The following N4BP1 variants were observed in gnomAD, a reference collection of about 807,000 sequenced individuals.
N4BP1 encodes NEDD4 binding protein 1.
In N4BP1, 21 loss-of-function variants were observed where a neutral mutation model predicts 70.9. The ratio of observed to expected loss-of-function variants is 0.30; its 90% CI spans 0.21 to 0.43. The LOEUF (loss-of-function observed/expected upper bound fraction) is 0.43. Ranked by LOEUF, N4BP1 falls within the 20% of genes least tolerant of loss-of-function variation. The probability of loss-of-function intolerance (pLI) is 1.00; values close to 1 mark genes in which losing one functional copy is unlikely to be tolerated. For missense variants in N4BP1, 936 were observed against 1,069.4 expected, an observed-to-expected ratio of 0.88 and a Z score of 1.74; for synonymous variants, 387 against 394.6, an observed-to-expected ratio of 0.98 and a Z score of 0.23.
chr16:48,562,430 T>A lies in N4BP1; in HGVS notation c.213A>T (p.Gly71=). The A allele has an allele frequency of 6.2e-7, 1 of 1,606,500 alleles. No individual in the cohort carries two copies. Among genetic ancestry groups the A allele is most frequent in the Non-Finnish European group, 8.5e-7 (1 of 1,177,622 alleles). The part of the protein sequence containing the change: ...AVHSAKEYIK[G]ICEPELEERE... Reference sequence around the variant, plus strand: ...TTTCTTCTAGTTCAGGTTCACAGATTCCTTTAATATATTCCTGTAAAGAGA... The same window carrying A: ...TTTCTTCTAGTTCAGGTTCACAGATACCTTTAATATATTCCTGTAAAGAGA... Residue 71 remains glycine (G), a synonymous_variant, in exon 2 of 7, where the codon GGA becomes GGT. Coordinates refer to ENST00000262384, the MANE Select transcript of N4BP1 (RefSeq NM_153029.4).
chr16:48,560,854 G>A lies in N4BP1; in HGVS notation c.1789C>T (p.Arg597Ter). The part of the protein sequence containing the change: ...DSSVTGVQRF[R>*]DTLKIPYKLE... ...TTGTAGGGTATTTTTAGAGTATCTCGAAACCTTTGAACCCCAGTAACTGAG... is the reference window on the plus strand; with the variant it reads ...TTGTAGGGTATTTTTAGAGTATCTCAAAACCTTTGAACCCCAGTAACTGAG... The change falls in exon 2 of 7, where the codon CGA (arginine) becomes TGA (stop). Residue 597 changes from arginine to a stop codon, truncating the protein, a stop_gained. Coordinates refer to ENST00000262384, the MANE Select transcript of N4BP1 (RefSeq NM_153029.4). LOFTEE classifies it high-confidence loss of function. 1 of 1,613,844 alleles carries A rather than the reference G, an allele frequency of 6.2e-7. No individual in the cohort carries two copies. The highest frequency in any genetic ancestry group is 8.5e-7 in the Non-Finnish European group (1 of 1,179,844).
At position 48,540,009 on chromosome 16, in the gene N4BP1, A is replaced by C. The variant is rs575263705; in HGVS notation, c.*2895T>G. 4 of 152,490 alleles carry C rather than the reference A, an allele frequency of 2.6e-5. No individual in the cohort carries two copies. The South Asian group carries it at 6.2e-4, about 24-fold the overall frequency. The allele number at this position is 152,490 out of a possible 1,614,324, so 9.4% of individuals were successfully genotyped here. A position where few individuals can be genotyped will look rare whatever the true frequency, so the allele number is the denominator to read the frequency against. ...TGGAGAGTGGGAGGTGAGGGGAAGC[A>C]CTAGCAATGAATGAAGAGGATTCTT... On this transcript the variant is annotated 3_prime_UTR_variant, in exon 7 of 7. Coordinates refer to ENST00000262384, the MANE Select transcript of N4BP1 (RefSeq NM_153029.4).
At chr16:48,578,905 T>C (rs1964137254) in intron 1 of N4BP1, among the ~76,000 whole-genome samples, 2 of 152,258 alleles carry the variant, frequency 1.3e-5, no homozygotes. Flanking sequence ...ACAGCTCTAT[T>C]AGATTGTAAA....
chr16:48,609,831 G>A lies in N4BP1; in HGVS notation c.142C>T (p.Pro48Ser). The A allele has an allele frequency of 2.0e-6, 3 of 1,487,546 alleles. 1 individual carries two copies. Among genetic ancestry groups the A allele is most frequent in the African/African-American group, 2.9e-5 (2 of 68,812 alleles). 92.1% of individuals were successfully genotyped at this position (1,487,546 alleles called of 1,614,324 possible). A position where few individuals can be genotyped will look rare whatever the true frequency, so the allele number is the denominator to read the frequency against. Residue 48 changes from proline to serine, a missense_variant, in exon 1 of 7, where the codon CCC (proline) becomes TCC (serine). By Grantham distance (74) the Pro-to-Ser change is moderately conservative. This residue lies in a region of N4BP1 where 187 missense variants were observed against 217.1 expected (regional missense o/e 0.86). Transcript: ENST00000262384. Reference sequence around the variant, plus strand: ...CAGAGCTGCAGCCAGATGCGCGCGGGCAGCGGCTCCTCAGCCCCTAGCGCG... The same window carrying A: ...CAGAGCTGCAGCCAGATGCGCGCGGACAGCGGCTCCTCAGCCCCTAGCGCG... ...LGALGAEEPL[P>S]ARIWLQLCGA...
Position 48,541,782 on chromosome 16 carries a change from T to C in N4BP1, c.*1122A>G, listed in dbSNP as rs1268456426. 1.3e-5 allele frequency: 2 copies of C among 152,500 alleles called. No homozygotes were observed. The highest frequency in any genetic ancestry group is 2.9e-5 in the Non-Finnish European group (2 of 68,032). The allele number at this position is 152,500 out of a possible 1,614,324, so 9.4% of individuals were successfully genotyped here. A position where few individuals can be genotyped will look rare whatever the true frequency, so the allele number is the denominator to read the frequency against. ...ACCTAGAACAGACAATATTAAGATA[T>C]CAATTCTGAGAAAGACTCACAGGAA... On this transcript the variant is annotated 3_prime_UTR_variant, in exon 7 of 7. Coordinates refer to ENST00000262384, the MANE Select transcript of N4BP1 (RefSeq NM_153029.4).
intron 1 of N4BP1, among the ~76,000 whole-genome samples, chr16:48,585,412 G>A (rs543592286): frequency 9.2e-5 from 14 of 151,888 alleles, no homozygotes; most frequent in African/African-American, 3.4e-4. Context: ...TAAGGCAGGA[G>A]GATTGCTTGA....
intron 1 of N4BP1, among the ~76,000 whole-genome samples, chr16:48,601,148 T>C (rs1438621353): frequency 1.1e-4 from 17 of 152,252 alleles, no homozygotes; most frequent in Non-Finnish European, 2.1e-4. Flanking sequence ...CATTGTTTGA[T>C]GAAGCTTAAT....
intron 1 of N4BP1, among the ~76,000 whole-genome samples, chr16:48,596,151 G>A (rs1044417476): frequency 2.6e-5 from 4 of 152,074 alleles, no homozygotes; most frequent in African/African-American, 7.2e-5. Flanking sequence ...GGAGAGAAAC[G>A]TGTTTCAAAA....
At chr16:48,559,652 A>G (rs1963823071) in intron 2 of N4BP1, 2 of 152,222 alleles carry the variant, frequency 1.3e-5, no homozygotes, top group South Asian at 4.1e-4. Context: ...CCACTTCTAC[A>G]TAAGGCAAAT....
chr16:48,550,040 T>C (rs963047736), intron 4 of N4BP1, among the ~76,000 whole-genome samples: 1 of 152,220 alleles, frequency 6.6e-6, no homozygotes, highest in Non-Finnish European at 1.5e-5. Context: ...ACTGGTCCTA[T>C]TTCCATTGGT....
At chr16:48,547,549 A>G (rs932825550) in intron 5 of N4BP1, among the ~76,000 whole-genome samples, 1 of 152,258 alleles carries the variant, frequency 6.6e-6, no homozygotes, top group Non-Finnish European at 1.5e-5. Context: ...ATCAGATATT[A>G]AAAAGTGGAA....
At chr16:48,599,123 TA>T (rs547621894) in intron 1 of N4BP1, among the ~76,000 whole-genome samples, 16 of 152,124 alleles carry the variant, frequency 1.1e-4, no homozygotes, top group Admixed American at 8.5e-4. Context: ...AGAACTGGTA[TA>T]TCTGAGTCGT....
intron 1 of N4BP1, among the ~76,000 whole-genome samples, chr16:48,601,710 G>GA (rs920035712): frequency 2.6e-4 from 21 of 82,288 alleles, no homozygotes; most frequent in Non-Finnish European, 5.1e-4. Flanking sequence ...GTTTTTTGTG[G>GA]TTTTTTTTGG....
At chr16:48,584,795 A>ATATT (rs3884289) in intron 1 of N4BP1, among the ~76,000 whole-genome samples, 143 of 152,310 alleles carry the variant, frequency 9.4e-4, no homozygotes, top group Middle Eastern at 6.8e-3. Flanking sequence ...AGAAACCAAT[A>ATATT]GGTCAAAAAC....
intron 4 of N4BP1, among the ~76,000 whole-genome samples, chr16:48,550,271 G>C (rs753244451): frequency 5.3e-5 from 8 of 152,146 alleles, no homozygotes; most frequent in Non-Finnish European, 1.2e-4. Context: ...CCAGCACTTT[G>C]GGAGGCCGAG....
Position 48,562,384 on chromosome 16 carries a change from T to G in N4BP1, c.259A>C (p.Met87Leu). The G allele has an allele frequency of 2.5e-6, 4 of 1,613,816 alleles. No homozygotes were observed. Among genetic ancestry groups the G allele is most frequent in the Non-Finnish European group, 3.4e-6 (4 of 1,179,812 alleles). The change falls in exon 2 of 7, where the codon ATG becomes CTG. Residue 87 changes from methionine to leucine, a missense_variant. Around this residue, in one of 4 missense-constraint regions of N4BP1, gnomAD observed 187 missense variants for 217.1 expected, o/e 0.86. Coordinates refer to ENST00000262384, the MANE Select transcript of N4BP1 (RefSeq NM_153029.4). ...TCTGCCCCAACAAAAATGCAGTGCA[T>G]GTCCTTGGGGTAACATTCTCTTTCT... ...LEERECYPKD[M>L]HCIFVGAESL...
intron 1 of N4BP1, among the ~76,000 whole-genome samples, chr16:48,603,460 G>A (rs1026795738): frequency 6.6e-6 from 1 of 152,084 alleles, no homozygotes; most frequent in African/African-American, 2.4e-5. Flanking sequence ...GGTTCATGGA[G>A]ACGCCAAACA....
intron 1 of N4BP1, among the ~76,000 whole-genome samples, chr16:48,591,899 T>TC (rs2151099126): frequency 1.8e-5 from 1 of 56,278 alleles, no homozygotes; most frequent in African/African-American, 1.3e-4. Flanking sequence ...TTTTTTTTTT[T>TC]CCAAGTTTTG....
At position 48,539,691 on chromosome 16, in the gene N4BP1, C is replaced by T. The variant is rs1003025427; in HGVS notation, c.*3213G>A. On this transcript the variant is annotated 3_prime_UTR_variant, in exon 7 of 7. Coordinates refer to ENST00000262384, the MANE Select transcript of N4BP1 (RefSeq NM_153029.4). ...TGCCCGGTAACCTACATTCTTAACA[C>T]CAGCTGCCCTCTCCACCACCACGAG... 2 of 152,326 alleles carry T rather than the reference C, an allele frequency of 1.3e-5. No homozygotes were observed. Among genetic ancestry groups the T allele is most frequent in the East Asian group, 3.8e-4 (2 of 5,196 alleles). The allele number at this position is 152,326 out of a possible 1,614,324, so 9.4% of individuals were successfully genotyped here.
Sources: gnomAD v4.1 joint callset for allele counts (sites outside exome capture counted in the v4.1 genomes callset) on GRCh38, gnomAD v4.1.1 for gene constraint, gnomAD v4.1.1 regional missense constraint, MANE v1.5 for transcripts, NCBI Gene and HGNC (gene_info 2026-07-23, HGNC 2026-07-21) for gene names.